The following KLF8 variants were observed in gnomAD, a reference collection of about 807,000 sequenced individuals.
KLF8 encodes the protein Krueppel-like factor 8.
In KLF8, 10 loss-of-function variants were observed where a neutral mutation model predicts 18.2. That is an observed-to-expected ratio of 0.55 (90% confidence interval 0.34 to 0.93). KLF8 has a LOEUF of 0.93. KLF8 is among the 40% of genes least tolerant of loss of function. KLF8 has a pLI of 0.02. For synonymous variants in KLF8, 109 were observed against 97.3 expected (o/e 1.12, Z -0.71); for missense variants, 264 against 277.9 (o/e 0.95, Z 0.36).
At chrX:56,144,117 A>G in the KLF8 span, among the ~76,000 whole-genome samples, 1 of 112,164 alleles carries the variant, frequency 8.9e-6, no homozygotes, top group African/African-American at 3.2e-5. Flanking sequence ...GGGCAACTGG[A>G]TATCCCCATA....
chrX:56,042,571 G>C, the KLF8 span, among the ~76,000 whole-genome samples: 1 of 111,942 alleles, frequency 8.9e-6, no homozygotes, highest in Non-Finnish European at 1.9e-5. Flanking sequence ...TTGTTAAATT[G>C]AACACTTTAC....
chrX:56,134,893 C>A, the KLF8 span, among the ~76,000 whole-genome samples: 1 of 111,303 alleles, frequency 9.0e-6, no homozygotes, highest in Non-Finnish European at 1.9e-5. Context: ...GTACAAATAG[C>A]CGGCAAACAT....
chrX:56,180,428 AT>A, the KLF8 span, among the ~76,000 whole-genome samples: 4 of 109,645 alleles, frequency 3.6e-5, no homozygotes, highest in African/African-American at 1.0e-4. Context: ...GGATTCGTTT[AT>A]TTTTTTCAGC....
the KLF8 span, among the ~76,000 whole-genome samples, chrX:56,187,976 C>A: frequency 9.0e-6 from 1 of 111,655 alleles, no homozygotes; most frequent in Admixed American, 9.5e-5. Context: ...GACAGTGATG[C>A]CCTCTCTCAC....
the KLF8 span, among the ~76,000 whole-genome samples, chrX:55,942,637 C>T: frequency 2.7e-5 from 3 of 111,523 alleles, no homozygotes; most frequent in Non-Finnish European, 5.7e-5. Flanking sequence ...GCGACTAGAA[C>T]GTATATGTAA....
At chrX:56,160,420 C>T in the KLF8 span, among the ~76,000 whole-genome samples, 1 of 111,410 alleles carries the variant, frequency 9.0e-6, no homozygotes, top group Admixed American at 9.6e-5. Flanking sequence ...TGGTGCAGAA[C>T]TGAATTCAAT....
chrX:55,953,451 ATT>A, the KLF8 span, among the ~76,000 whole-genome samples: 21 of 103,866 alleles, frequency 2.0e-4, no homozygotes, highest in East Asian at 3.0e-4. Context: ...TCCCAGGTGG[ATT>A]TTTTTTTTTT....
chrX:55,914,631 A>G, the KLF8 span, among the ~76,000 whole-genome samples: 391 of 111,526 alleles, frequency 3.5e-3, 1 homozygote, highest in Middle Eastern at 4.6e-3. Flanking sequence ...AGAGGAGATG[A>G]TATTTGAGTC....
the KLF8 span, among the ~76,000 whole-genome samples, chrX:56,078,118 T>C: frequency 8.9e-6 from 1 of 111,919 alleles, no homozygotes; most frequent in African/African-American, 3.2e-5. Context: ...CTTTTCCTAA[T>C]GGAATTCCCT....
chrX:56,069,290 G>C, the KLF8 span, among the ~76,000 whole-genome samples: 2 of 112,021 alleles, frequency 1.8e-5, no homozygotes, highest in African/African-American at 6.5e-5. Context: ...CTGCCACTGA[G>C]AGCCAGGAAT....
the KLF8 span, among the ~76,000 whole-genome samples, chrX:56,040,800 C>CTTTTTTTTTTGTTTTTTTTTTTTTTTTTT: frequency 1.7e-4 from 1 of 6,027 alleles, no homozygotes; most frequent in African/African-American, 3.2e-4. Flanking sequence ...ATGATACCAG[C>CTTTTTTTTTTGTTTTTTTTTTTTTTTTTT]TTTTTTTTTT....
chrX:56,187,825 G>A, the KLF8 span, among the ~76,000 whole-genome samples: 1 of 111,592 alleles, frequency 9.0e-6, no homozygotes, highest in Non-Finnish European at 1.9e-5. Context: ...ATTCAACAAT[G>A]CTTCATGCTA....
chrX:55,977,876 G>A, the KLF8 span, among the ~76,000 whole-genome samples: 1 of 110,744 alleles, frequency 9.0e-6, no homozygotes, highest in Non-Finnish European at 1.9e-5. Flanking sequence ...ATATAGTAAG[G>A]ACAAGGAGAG....
At chrX:56,037,471 A>C in the KLF8 span, among the ~76,000 whole-genome samples, 1 of 111,492 alleles carries the variant, frequency 9.0e-6, no homozygotes, top group Non-Finnish European at 1.9e-5. Context: ...TTTTAGAAAT[A>C]GTTTGAGAAT....
chrX:56,186,421 A>T, the KLF8 span, among the ~76,000 whole-genome samples: 1 of 111,454 alleles, frequency 9.0e-6, no homozygotes, highest in African/African-American at 3.3e-5. Flanking sequence ...CCACACAATA[A>T]TAATGGGAGA....
At chrX:55,989,508 C>G in the KLF8 span, among the ~76,000 whole-genome samples, 1 of 112,278 alleles carries the variant, frequency 8.9e-6, no homozygotes, top group Admixed American at 9.4e-5. Flanking sequence ...ATAACGTTTA[C>G]TGATTTGCAT....
At chrX:55,924,376 C>T in the KLF8 span, among the ~76,000 whole-genome samples, 1 of 111,788 alleles carries the variant, frequency 8.9e-6, no homozygotes, top group African/African-American at 3.2e-5. Flanking sequence ...TGCGCCCGGC[C>T]CTGACATTCT....
the KLF8 span, among the ~76,000 whole-genome samples, chrX:56,176,299 T>C: frequency 1.8e-5 from 2 of 111,909 alleles, no homozygotes; most frequent in Non-Finnish European, 3.8e-5. Context: ...GCAGGCCCGG[T>C]GGTGACAAAA....
the KLF8 span, among the ~76,000 whole-genome samples, chrX:56,190,108 CAT>C: frequency 9.0e-6 from 1 of 110,821 alleles, no homozygotes; most frequent in African/African-American, 3.3e-5. Flanking sequence ...TATAAAGAAA[CAT>C]ATACAATAAA....
Sources: allele counts gnomAD v4.1 joint callset (sites outside exome capture counted in the v4.1 genomes callset), GRCh38; gene constraint gnomAD v4.1.1; transcripts MANE v1.5; gene names NCBI Gene and HGNC (gene_info 2026-07-23, HGNC 2026-07-21).